Variants in KNL1 observed in about 807,000 individuals in gnomAD.
The protein encoded by KNL1 is kinetochore scaffold 1.
In KNL1, 66 loss-of-function variants were observed where a neutral mutation model predicts 201.3. The observed-to-expected ratio is 0.33, with a 90% CI of 0.27 to 0.40. KNL1 has a LOEUF of 0.40. Ranked by LOEUF, KNL1 falls within the 10% of genes least tolerant of loss-of-function variation. KNL1 has a pLI of 1.00. For missense variants in KNL1, 2,815 were observed against 2,690.5 expected, an observed-to-expected ratio of 1.05 and a Z score of -1.02; for synonymous variants, 895 against 899.2, an observed-to-expected ratio of 1.00 and a Z score of 0.08.
In KNL1 at chr15:40,652,078, C is replaced by T. The variant is rs1893582431; in HGVS notation, c.6388C>T (p.Leu2130Phe). Residue 2130 changes from leucine (L) to phenylalanine (F), a missense_variant, in exon 21 of 26, where the codon CTC becomes TTC. Transcript: ENST00000399668. ...CACCTTTGTTTATGACACGATACAA[C>T]TCACCATCACCTTTGAAGAGTCAGT... ...VFTFVYDTIQ[L>F]TITFEESVVG... The T allele has an allele frequency of 6.2e-7, 1 of 1,613,390 alleles. No individual in the cohort carries two copies. The highest frequency in any genetic ancestry group is 1.7e-5 in the Admixed American group (1 of 60,000).
Position 40,662,645 on chromosome 15 carries a change from C to T in KNL1, c.*457C>T, listed in dbSNP as rs1057092961. On this transcript the variant is annotated 3_prime_UTR_variant, in exon 26 of 26. Coordinates refer to ENST00000399668, the MANE Select transcript of KNL1 (RefSeq NM_144508.5). ...CTGTCTACAAACTATTATCCTTTTT[C>T]TCCGTTACTAAAATGCTATTAAGAG... 4 of 193,650 alleles carry T rather than the reference C, an allele frequency of 2.1e-5. No homozygotes were observed. The highest frequency in any genetic ancestry group is 9.3e-5 in the African/African-American group (4 of 43,084). 12.0% of individuals were successfully genotyped at this position (193,650 alleles called of 1,614,324 possible).
intron 21 of KNL1, among the ~76,000 whole-genome samples, chr15:40,653,961 C>T (rs1269651599): frequency 6.6e-6 from 1 of 152,150 alleles, no homozygotes; most frequent in African/African-American, 2.4e-5. Flanking sequence ...GTTGTATGTT[C>T]TTGCTTTCTG....
At chr15:40,600,909 C>G (rs1416689538) in intron 1 of KNL1, among the ~76,000 whole-genome samples, 1 of 152,240 alleles carries the variant, frequency 6.6e-6, no homozygotes, top group Non-Finnish European at 1.5e-5. Context: ...AAAGCATTAT[C>G]AGCTATGCTA....
chr15:40,625,625 G>T lies in KNL1; in HGVS notation c.5361G>T (p.Thr1787=). The part of the protein sequence containing the change: ...IRKNEIKFSD[T]TQDREIFDHH... ...AAAATGAGATTAAGTTTAGTGATAC[G>T]ACACAAGATCGGGAGGTGAGCTCTG... The change falls in exon 10 of 26, where the codon ACG becomes ACT. Residue 1787 remains threonine, a synonymous_variant. Transcript: ENST00000399668. 1.2e-6 allele frequency: 2 copies of T among 1,610,512 alleles called. No homozygotes were observed. Among genetic ancestry groups the T allele is most frequent in the South Asian group, 2.2e-5 (2 of 90,216 alleles).
chr15:40,615,418 C>T (rs754560173), intron 8 of KNL1, 40 bp downstream of exon 8: 1 of 569,676 alleles, frequency 1.8e-6, no homozygotes, highest in Admixed American at 3.2e-5. Context: ...GTAAGATAGT[C>T]TATTCATCTA....
chr15:40,636,283 A>G (rs1419786077), intron 13 of KNL1, among the ~76,000 whole-genome samples: 1 of 152,184 alleles, frequency 6.6e-6, no homozygotes, highest in African/African-American at 2.4e-5. Context: ...GCAGCAATTA[A>G]TCTACCCACT....
At chr15:40,644,344 A>G (rs1051401269) in intron 14 of KNL1, among the ~76,000 whole-genome samples, 1 of 152,242 alleles carries the variant, frequency 6.6e-6, no homozygotes, top group African/African-American at 2.4e-5. Context: ...TGCTGCAAAC[A>G]TGTCTCGCCT....
Position 40,657,109 on chromosome 15 carries a change from A to G in KNL1, c.6552A>G (p.Glu2184=), listed in dbSNP as rs2141766860. 1 of 1,611,050 alleles carries G rather than the reference A, an allele frequency of 6.2e-7. No individual in the cohort carries two copies. The highest frequency in any genetic ancestry group is 1.7e-4 in the Middle Eastern group (1 of 6,042). ...KLIFQYVEEK[E]SWKKTCTTQH... ...TTTTCCAGTACGTTGAAGAAAAGGA[A>G]TCCTGGAAGAAGACATGTACAACCC... is the stretch of plus-strand genomic sequence containing the variant. Residue 2184 remains glutamate, a synonymous_variant, in exon 23 of 26, where the codon GAA becomes GAG. Coordinates refer to ENST00000399668, the MANE Select transcript of KNL1 (RefSeq NM_144508.5).
intron 24 of KNL1, among the ~76,000 whole-genome samples, chr15:40,658,791 C>T (rs551527436): frequency 3.3e-5 from 5 of 149,694 alleles, no homozygotes; most frequent in Non-Finnish European, 7.4e-5. Flanking sequence ...TTAGCTGGGC[C>T]TGGTGGCACA....
chr15:40,640,098 C>CTTTTTTTTTTTTTT (rs544723388), intron 13 of KNL1, among the ~76,000 whole-genome samples: 3 of 124,506 alleles, frequency 2.4e-5, no homozygotes, highest in African/African-American at 6.0e-5. Flanking sequence ...TTTTTCTTTT[C>CTTTTTTTTTTTTTT]TTTTTTTTTT....
In KNL1 at chr15:40,610,899, A is replaced by C. The variant is rs888644452; in HGVS notation, c.251-579A>C. 12 of 449,244 alleles carry C rather than the reference A, an allele frequency of 2.7e-5. 1 individual carries two copies. The East Asian group carries it at 7.7e-4, about 29-fold the overall frequency. 27.8% of individuals were successfully genotyped at this position (449,244 alleles called of 1,614,324 possible). On this transcript the variant is annotated intron_variant, in intron 6 of 25. Transcript: ENST00000399668. The stretch of plus-strand genomic sequence containing the variant: ...CAGGTAGCCGGGATTACAGGCATGC[A>C]CCACCACACCCAGCTAATTTTTGTA...
At chr15:40,599,925 C>A (rs982592831) in intron 1 of KNL1, among the ~76,000 whole-genome samples, 4 of 152,016 alleles carry the variant, frequency 2.6e-5, no homozygotes, top group Middle Eastern at 3.4e-3. Context: ...ATCCTCCTGC[C>A]TCAGCCTCCC....
At position 40,650,369 on chromosome 15, in the gene KNL1, G is replaced by T. The variant is rs767991262; in HGVS notation, c.6163G>T (p.Ala2055Ser). 3.1e-6 allele frequency: 5 copies of T among 1,611,492 alleles called. No individual in the cohort carries two copies. The highest frequency in any genetic ancestry group is 4.2e-6 in the Non-Finnish European group (5 of 1,177,850). Reference protein sequence around the residue: ...VEEWDSEMRAAEKELEQLKTE... With the variant: ...VEEWDSEMRASEKELEQLKTE... ...AGAATGGGATTCTGAAATGAGAGCT[G>T]CAGAAAAAGGTAATTGAATTAGTTA... The change falls in exon 18 of 26, where the codon GCA becomes TCA. Residue 2055 changes from alanine (A) to serine (S), a missense_variant. Transcript: ENST00000399668.
chr15:40,636,262 G>A (rs2141740893), intron 13 of KNL1, among the ~76,000 whole-genome samples: 1 of 152,304 alleles, frequency 6.6e-6, no homozygotes, highest in East Asian at 1.9e-4. Flanking sequence ...ACATGGTGCT[G>A]AATTCAAGGT....
chr15:40,627,414 T>C (rs961554181), intron 10 of KNL1, among the ~76,000 whole-genome samples: 2 of 150,902 alleles, frequency 1.3e-5, no homozygotes, highest in African/African-American at 4.9e-5. Flanking sequence ...CTCAGGAGAC[T>C]GAGGCAGGAG....
chr15:40,617,793 A>G (rs1235257064), intron 8 of KNL1, among the ~76,000 whole-genome samples: 2 of 152,092 alleles, frequency 1.3e-5, no homozygotes, highest in African/African-American at 2.4e-5. Context: ...TGTGCTCAGA[A>G]TAGCCTGAAC....
At chr15:40,601,745 G>A (rs1416803827) in intron 1 of KNL1, among the ~76,000 whole-genome samples, 2 of 149,108 alleles carry the variant, frequency 1.3e-5, no homozygotes, top group African/African-American at 4.9e-5. Context: ...GGAGAATGGC[G>A]TGAACCCGGG....
In KNL1 at chr15:40,620,706, G is replaced by C; in HGVS notation, c.442G>C (p.Glu148Gln). The C allele has an allele frequency of 6.2e-7, 1 of 1,604,056 alleles. No individual in the cohort carries two copies. The highest frequency in any genetic ancestry group is 8.5e-7 in the Non-Finnish European group (1 of 1,177,310). ...TGACCAGACAGTCATTTTTTCAGAT[G>C]AAAACCAGATGGACCTGACATCAAG... The part of the protein sequence containing the change: ...ANDQTVIFSD[E>Q]NQMDLTSSHT... The change falls in exon 10 of 26, where the codon GAA becomes CAA. Residue 148 changes from glutamate (E) to glutamine (Q), a missense_variant. This residue lies in a region of KNL1 where 2,464 missense variants were observed against 2,291.7 expected (regional missense o/e 1.08). Transcript: ENST00000399668.
intron 7 of KNL1, among the ~76,000 whole-genome samples, chr15:40,614,421 C>T (rs373415052): frequency 2.0e-5 from 3 of 151,860 alleles, no homozygotes; most frequent in East Asian, 1.9e-4. Context: ...TTAGTAGAAG[C>T]GGTGTTTCAC....
Sources: allele counts gnomAD v4.1 joint callset (sites outside exome capture counted in the v4.1 genomes callset), GRCh38; gene constraint gnomAD v4.1.1; regional missense constraint gnomAD v4.1.1; transcripts MANE v1.5; gene names NCBI Gene and HGNC (gene_info 2026-07-23, HGNC 2026-07-21).